ALOX5: variants seen among roughly 807,000 people sequenced by gnomAD.
ALOX5 encodes polyunsaturated fatty acid 5-lipoxygenase.
ALOX5 carries 64 observed loss-of-function variants against 87.9 expected under a neutral mutation model. The ratio of observed to expected loss-of-function variants is 0.73; its 90% CI spans 0.60 to 0.90. The LOEUF (loss-of-function observed/expected upper bound fraction) is 0.90. Ranked by LOEUF, ALOX5 falls within the 40% of genes least tolerant of loss-of-function variation. The pLI is 0.00. For synonymous variants in ALOX5, 388 were observed against 355.1 expected (o/e 1.09, Z -1.04); for missense variants, 822 against 907.5 (o/e 0.91, Z 1.21).
intron 3 of ALOX5, 96 bp from the exon 4 acceptor site, chr10:45,412,095 T>G (rs1841084139): frequency 6.5e-7 from 1 of 1,538,696 alleles, no homozygotes; most frequent in Non-Finnish European, 8.9e-7. Context: ...TCAATCTCCC[T>G]GTGTAACATC....
intron 4 of ALOX5, among the ~76,000 whole-genome samples, chr10:45,419,772 T>A (rs1841437528): frequency 6.7e-6 from 1 of 150,246 alleles, no homozygotes. Flanking sequence ...AGGAGCGATA[T>A]CCCCCAGGCA....
rs779036959 is a variant in ALOX5, at chr10:45,443,725, T to C, written c.1574-3T>C. The C allele has an allele frequency of 1.2e-6, 2 of 1,611,218 alleles. No individual in the cohort carries two copies. Among genetic ancestry groups the C allele is most frequent in the African/African-American group, 1.3e-5 (1 of 74,794 alleles). On this transcript the variant is annotated splice_region_variant and splice_polypyrimidine_tract_variant and intron_variant, in intron 11 of 13. Transcript: ENST00000374391. ...CCTCAGCCCGCCGGTGGTTCCACCC[T>C]AGGCTTCCCCAAGTCGGTCAAGAGC...
rs759026645 is a variant in ALOX5, at chr10:45,382,475, C to G, written c.151-8C>G. On this transcript the variant is annotated splice_region_variant and splice_polypyrimidine_tract_variant and intron_variant, in intron 1 of 13. Transcript: ENST00000374391. ...ACGCATGGCCTGATTGCCTGTTCTC[C>G]TTCCCAGGTGGATTCATACGACGTG... 6.2e-6 allele frequency: 10 copies of G among 1,614,074 alleles called. No homozygotes were observed. The African/African-American group carries it at 9.3e-5, about 15-fold the overall frequency.
At chr10:45,419,636 C>T (rs1430527155) in intron 4 of ALOX5, among the ~76,000 whole-genome samples, 2 of 152,214 alleles carry the variant, frequency 1.3e-5, no homozygotes, top group African/African-American at 4.8e-5. Flanking sequence ...TCCCAGTGTT[C>T]GGGGATTCCC....
At chr10:45,413,089 A>G (rs1055190868) in intron 4 of ALOX5, among the ~76,000 whole-genome samples, 1 of 152,196 alleles carries the variant, frequency 6.6e-6, no homozygotes, top group Non-Finnish European at 1.5e-5. Flanking sequence ...CTAACTCATT[A>G]TATGAGGCCA....
intron 4 of ALOX5, among the ~76,000 whole-genome samples, chr10:45,423,305 G>A (rs1007818453): frequency 6.6e-6 from 1 of 152,232 alleles, no homozygotes; most frequent in Non-Finnish European, 1.5e-5. Context: ...TCAGTCTTTT[G>A]TGTGCCAGAG....
At chr10:45,389,620 A>G (rs1355299592) in intron 2 of ALOX5, among the ~76,000 whole-genome samples, 3 of 152,186 alleles carry the variant, frequency 2.0e-5, no homozygotes, top group African/African-American at 7.2e-5. Flanking sequence ...GAGAAATAAA[A>G]TCCTTTACAG....
In ALOX5 at chr10:45,412,991, A is replaced by C. The variant is rs531148524; in HGVS notation, c.554+678A>C. ...GGACTACTGAGTGTAGGGATCTTTA[A>C]ATCTGCACATTGACCCTATAGGGAA... On this transcript the variant is annotated intron_variant, in intron 4 of 13. Coordinates refer to ENST00000374391, the MANE Select transcript of ALOX5 (RefSeq NM_000698.5). Among the ~76,000 whole-genome samples, 4 of 152,196 alleles carry C rather than the reference A, an allele frequency of 2.6e-5. No individual in the cohort carries two copies. The South Asian group carries it at 6.2e-4, about 24-fold the overall frequency.
chr10:45,413,866 G>A (rs1000616101), intron 4 of ALOX5, among the ~76,000 whole-genome samples: 5 of 152,144 alleles, frequency 3.3e-5, no homozygotes, highest in African/African-American at 4.8e-5. Context: ...AAAATACCTA[G>A]GAATCCAACT....
chr10:45,433,751 A>C (rs1025649282), intron 7 of ALOX5, among the ~76,000 whole-genome samples: 1 of 152,230 alleles, frequency 6.6e-6, no homozygotes, highest in Admixed American at 6.5e-5. Flanking sequence ...TTCATTTAAA[A>C]ATTTGGGTTA....
At chr10:45,388,742 A>G (rs997713542) in intron 2 of ALOX5, among the ~76,000 whole-genome samples, 4 of 152,260 alleles carry the variant, frequency 2.6e-5, no homozygotes, top group Admixed American at 2.0e-4. Context: ...AAAGATGGGG[A>G]AAAACAGAGC....
At chr10:45,418,829 G>T (rs1189866971) in intron 4 of ALOX5, among the ~76,000 whole-genome samples, 1 of 152,234 alleles carries the variant, frequency 6.6e-6, no homozygotes, top group Non-Finnish European at 1.5e-5. Context: ...CCTGGAAGAC[G>T]ATTGCAGGGG....
chr10:45,416,717 G>A (rs1031862869), intron 4 of ALOX5, among the ~76,000 whole-genome samples: 5 of 152,106 alleles, frequency 3.3e-5, no homozygotes, highest in Non-Finnish European at 2.9e-5. Flanking sequence ...ATGAATGGAT[G>A]GATGAAGGGA....
intron 6 of ALOX5, among the ~76,000 whole-genome samples, chr10:45,426,168 C>CTA (rs2132810824): frequency 6.6e-6 from 1 of 152,316 alleles, no homozygotes; most frequent in South Asian, 2.1e-4. Context: ...GATTTGGTGG[C>CTA]TATAGGTTTC....
chr10:45,374,222 G>T lies in ALOX5; in HGVS notation c.-58G>T. 1 of 1,410,530 alleles carries T rather than the reference G, an allele frequency of 7.1e-7. No homozygotes were observed. Among genetic ancestry groups the T allele is most frequent in the Non-Finnish European group, 9.2e-7 (1 of 1,083,782 alleles). 87.4% of individuals were successfully genotyped at this position (1,410,530 alleles called of 1,614,324 possible). A position where few individuals can be genotyped will look rare whatever the true frequency, so the allele number is the denominator to read the frequency against. ...GGGAGGAGGCTGCGGCGCTAGATGC[G>T]GACACCTGGACCGCCGCGCCGAGGC... On this transcript the variant is annotated 5_prime_UTR_variant, in exon 1 of 14. Transcript: ENST00000374391.
At chr10:45,395,773 T>G (rs540230360) in intron 2 of ALOX5, 82 bp from the exon 3 acceptor site, 1 of 1,272,984 alleles carries the variant, frequency 7.9e-7, no homozygotes, top group South Asian at 1.2e-5. Flanking sequence ...GGGCAGGGCA[T>G]CTGAGGGAAG....
chr10:45,423,414 T>C (rs1841578545), intron 4 of ALOX5, among the ~76,000 whole-genome samples: 1 of 152,170 alleles, frequency 6.6e-6, no homozygotes, highest in Admixed American at 6.5e-5. Context: ...CTGGGAAGTC[T>C]CTCCCCTCTT....
intron 1 of ALOX5, among the ~76,000 whole-genome samples, chr10:45,378,178 CCT>C (rs1025099106): frequency 1.0e-4 from 15 of 147,276 alleles, no homozygotes; most frequent in Admixed American, 2.0e-4. Flanking sequence ...CCTGAAATAC[CCT>C]CTTATGAAGC....
chr10:45,401,360 C>T (rs76273620), intron 3 of ALOX5, among the ~76,000 whole-genome samples: 3,414 of 151,466 alleles, frequency 0.023, 124 homozygotes, highest in African/African-American at 0.078. Flanking sequence ...TTTTTTAACT[C>T]AAAAAAGTAA....
Sources: allele counts gnomAD v4.1 joint callset (sites outside exome capture counted in the v4.1 genomes callset), GRCh38; gene constraint gnomAD v4.1.1; transcripts MANE v1.5; gene names NCBI Gene and HGNC (gene_info 2026-07-23, HGNC 2026-07-21).